KIAA1217: variants seen among roughly 807,000 people sequenced by gnomAD.
KIAA1217 encodes the protein sickle tail protein homolog.
A neutral mutation model predicts 163.9 loss-of-function variants in KIAA1217; 88 were observed. The observed-to-expected ratio is 0.54, with a 90% CI of 0.45 to 0.64. The LOEUF is 0.64. KIAA1217 is among the 30% of genes least tolerant of loss of function. KIAA1217 has a pLI of 0.00. For synonymous variants in KIAA1217, 903 were observed against 923.1 expected, an observed-to-expected ratio of 0.98 and a Z score of 0.39; for missense variants, 2,372 against 2,475.0, an observed-to-expected ratio of 0.96 and a Z score of 0.88.
intron 1 of KIAA1217, among the ~76,000 whole-genome samples, chr10:23,768,259 A>G (rs1368765492): frequency 1.1e-4 from 17 of 152,152 alleles, no homozygotes; most frequent in Admixed American, 4.6e-4. Flanking sequence ...GAGGGATAGG[A>G]ATGATGACAG....
intron 1 of KIAA1217, among the ~76,000 whole-genome samples, chr10:23,830,763 G>C (rs1165155528): frequency 5.3e-5 from 8 of 151,444 alleles, no homozygotes; most frequent in Admixed American, 4.6e-4. Context: ...CTGGAATGGG[G>C]AATAATAGAA....
At chr10:24,043,574 G>C (rs1302408818) in intron 2 of KIAA1217, among the ~76,000 whole-genome samples, 1 of 152,018 alleles carries the variant, frequency 6.6e-6, no homozygotes, top group Admixed American at 6.6e-5. Flanking sequence ...TTCATAAAAG[G>C]CACATGCAAT....
intron 1 of KIAA1217, among the ~76,000 whole-genome samples, chr10:23,998,059 C>T (rs1263596561): frequency 1.3e-5 from 2 of 151,826 alleles, no homozygotes; most frequent in East Asian, 3.9e-4. Flanking sequence ...CCAGGAATGT[C>T]CTCTCAACTA....
chr10:23,934,194 A>G lies in KIAA1217; in HGVS notation c.-320-73031A>G, dbSNP rs905503930. The stretch of plus-strand genomic sequence containing the variant: ...AAATGTGGTACATGTACACCGTGGA[A>G]TACTATGCAGCCATCAAAAAGAATG... On this transcript the variant is annotated intron_variant, in intron 1 of 18. Transcript: ENST00000376462. Among the ~76,000 whole-genome samples the G allele has an allele frequency of 4.6e-5, 7 of 152,160 alleles. 1 individual carries two copies. Among genetic ancestry groups the G allele is most frequent in the Admixed American group, 3.9e-4 (6 of 15,274 alleles).
intron 1 of KIAA1217, among the ~76,000 whole-genome samples, chr10:23,874,377 T>C (rs1840590439): frequency 6.6e-6 from 1 of 152,072 alleles, no homozygotes; most frequent in Admixed American, 6.6e-5. Context: ...ATTTAGTTTG[T>C]TCACAAGTTC....
intron 1 of KIAA1217, among the ~76,000 whole-genome samples, chr10:23,833,017 C>T (rs1418095128): frequency 6.6e-6 from 1 of 152,074 alleles, no homozygotes; most frequent in African/African-American, 2.4e-5. Context: ...GTCCCTCCCA[C>T]AAGACATGGG....
chr10:23,742,874 CAAG>C (rs1461889492), intron 1 of KIAA1217, among the ~76,000 whole-genome samples: 2 of 152,278 alleles, frequency 1.3e-5, no homozygotes, highest in Non-Finnish European at 2.9e-5. Flanking sequence ...CATCATATAA[CAAG>C]AAGGTTTGGG....
intron 1 of KIAA1217, among the ~76,000 whole-genome samples, chr10:23,850,932 T>C (rs966679396): frequency 2.0e-5 from 3 of 152,040 alleles, no homozygotes; most frequent in Admixed American, 6.6e-5. Flanking sequence ...TCACTATCAA[T>C]GAGAACAGCA....
intron 2 of KIAA1217, among the ~76,000 whole-genome samples, chr10:24,109,445 T>C (rs1234498158): frequency 6.6e-6 from 1 of 152,176 alleles, no homozygotes; most frequent in Non-Finnish European, 1.5e-5. Flanking sequence ...CATTGAGCTA[T>C]AGATTTATGA....
intron 9 of KIAA1217, among the ~76,000 whole-genome samples, chr10:24,504,600 G>A (rs1384071029): frequency 6.6e-6 from 1 of 152,156 alleles, no homozygotes; most frequent in Non-Finnish European, 1.5e-5. Flanking sequence ...TATCATTAGA[G>A]ATATACGAAA....
At chr10:24,472,694 C>T (rs2063656792) in intron 5 of KIAA1217, among the ~76,000 whole-genome samples, 1 of 152,164 alleles carries the variant, frequency 6.6e-6, no homozygotes, top group Non-Finnish European at 1.5e-5. Flanking sequence ...AACAAATTAC[C>T]ATAAATTTAG....
chr10:24,542,544 T>C (rs1360481342), intron 17 of KIAA1217, 149 bp from the exon 18 acceptor site: 1 of 1,472,890 alleles, frequency 6.8e-7, no homozygotes, highest in Non-Finnish European at 9.0e-7. Flanking sequence ...CAATCCAAGG[T>C]AAACAGCTGT....
intron 1 of KIAA1217, among the ~76,000 whole-genome samples, chr10:23,877,103 A>C (rs1352683044): frequency 6.6e-6 from 1 of 151,960 alleles, no homozygotes; most frequent in East Asian, 1.9e-4. Flanking sequence ...CTGTAGTCTC[A>C]AACTCATGTG....
At chr10:24,135,010 T>A (rs74518057) in intron 2 of KIAA1217, among the ~76,000 whole-genome samples, 2,838 of 152,262 alleles carry the variant, frequency 0.019, 65 homozygotes, top group Non-Finnish European at 0.023. Context: ...CAGCTTGGAG[T>A]AAGTTTGGGA....
At chr10:24,004,824 G>A (rs1846919686) in intron 1 of KIAA1217, among the ~76,000 whole-genome samples, 1 of 152,258 alleles carries the variant, frequency 6.6e-6, no homozygotes, top group Non-Finnish European at 1.5e-5. Context: ...GAGCAGAAAA[G>A]ATGAATACAA....
At chr10:24,358,141 C>T (rs1251770661) in intron 2 of KIAA1217, among the ~76,000 whole-genome samples, 1 of 151,966 alleles carries the variant, frequency 6.6e-6, no homozygotes, top group Non-Finnish European at 1.5e-5. Context: ...ATATTCATGC[C>T]TTTGTGATCA....
At chr10:24,532,737 C>T (rs1489819700) in intron 15 of KIAA1217, among the ~76,000 whole-genome samples, 1 of 152,150 alleles carries the variant, frequency 6.6e-6, no homozygotes. Context: ...AGTCAATTAC[C>T]TCCCACCTGA....
At chr10:24,094,475 T>A (rs1390510895) in intron 2 of KIAA1217, among the ~76,000 whole-genome samples, 1 of 152,232 alleles carries the variant, frequency 6.6e-6, no homozygotes, top group Admixed American at 6.5e-5. Flanking sequence ...TGCAGGTCTG[T>A]TGGAGTTTGC....
intron 2 of KIAA1217, among the ~76,000 whole-genome samples, chr10:24,071,421 T>A (rs1781792432): frequency 2.6e-5 from 4 of 152,330 alleles, no homozygotes; most frequent in Non-Finnish European, 4.4e-5. Flanking sequence ...TGTTCTTAAG[T>A]AATCTCAGCA....
Sources: allele counts gnomAD v4.1 joint callset (sites outside exome capture counted in the v4.1 genomes callset), GRCh38; gene constraint gnomAD v4.1.1; transcripts MANE v1.5; gene names NCBI Gene and HGNC (gene_info 2026-07-23, HGNC 2026-07-21).